The following CNTN5 variants were observed in gnomAD, a reference collection of about 807,000 sequenced individuals.
CNTN5 encodes contactin-5.
Under a neutral mutation model 129.1 loss-of-function variants are expected in CNTN5, and 77 were observed. The observed-to-expected ratio is 0.60, with a 90% confidence interval of 0.50 to 0.72. CNTN5 has a LOEUF of 0.72. Ranked by LOEUF, CNTN5 falls within the 30% of genes least tolerant of loss-of-function variation. CNTN5 has a pLI of 0.00. For missense variants in CNTN5, 1,478 were observed against 1,328.8 expected, an observed-to-expected ratio of 1.11 and a Z score of -1.75; for synonymous variants, 509 against 465.6, an observed-to-expected ratio of 1.09 and a Z score of -1.20.
rs1944329000 is a variant in CNTN5 at position 99,754,010 on chromosome 11, CAACAAAAA to C, written c.56-65521_56-65514del. Among the ~76,000 whole-genome samples the C allele has an allele frequency of 3.3e-5, 5 of 150,414 alleles. 1 individual carries two copies. The highest frequency in any genetic ancestry group is 2.0e-4 in the East Asian group (1 of 5,110). On this transcript the variant is annotated intron_variant, in intron 3 of 24. Transcript: ENST00000524871. ...GCCAAAAAAAAAAAATAAATAACAA[CAACAAAAA>C]AACAAAAAAACACCTTCTGATACAA...
chr11:99,476,190 C>T (rs2656159), intron 2 of CNTN5, among the ~76,000 whole-genome samples: 71,216 of 151,740 alleles, frequency 0.47, 17,364 homozygotes, highest in Middle Eastern at 0.59. Context: ...TTAAATATTG[C>T]TATGACATTA....
At chr11:100,278,545 T>G (rs1950566490) in intron 18 of CNTN5, among the ~76,000 whole-genome samples, 1 of 151,968 alleles carries the variant, frequency 6.6e-6, no homozygotes, top group Admixed American at 6.6e-5. Flanking sequence ...AATTCCTAAG[T>G]GTTGTATTTT....
At chr11:99,783,659 T>C (rs1269299604) in intron 3 of CNTN5, among the ~76,000 whole-genome samples, 1 of 140,280 alleles carries the variant, frequency 7.1e-6, no homozygotes, top group African/African-American at 2.7e-5. Flanking sequence ...GATGAGTTCA[T>C]GTCCTTTGTA....
intron 3 of CNTN5, among the ~76,000 whole-genome samples, chr11:99,768,185 G>A (rs182263897): frequency 6.6e-6 from 1 of 151,964 alleles, no homozygotes; most frequent in Admixed American, 6.6e-5. Context: ...TTAAAATTTT[G>A]CTACATCTGT....
chr11:99,888,814 C>T (rs542448767), intron 6 of CNTN5, among the ~76,000 whole-genome samples: 1 of 152,310 alleles, frequency 6.6e-6, no homozygotes, highest in Admixed American at 6.5e-5. Context: ...AGCTTACATA[C>T]TCTAGTGTAA....
intron 1 of CNTN5, among the ~76,000 whole-genome samples, chr11:99,155,201 T>A (rs1336482452): frequency 6.6e-6 from 1 of 152,180 alleles, no homozygotes; most frequent in Non-Finnish European, 1.5e-5. Context: ...TATTTCCCCC[T>A]TCCGCCCAGC....
intron 2 of CNTN5, among the ~76,000 whole-genome samples, chr11:99,369,556 G>C (rs964023263): frequency 6.6e-6 from 1 of 151,610 alleles, no homozygotes; most frequent in African/African-American, 2.4e-5. Context: ...ATATGTATTT[G>C]CCTAATATAT....
intron 1 of CNTN5, among the ~76,000 whole-genome samples, chr11:99,152,854 T>G (rs11218564): frequency 0.17 from 26,034 of 152,220 alleles, 3,374 homozygotes; most frequent in East Asian, 0.68. Flanking sequence ...ATGAATTCCT[T>G]TAGCATTTCC....
intron 13 of CNTN5, among the ~76,000 whole-genome samples, chr11:100,149,846 C>T (rs948042579): frequency 1.4e-5 from 2 of 141,758 alleles, no homozygotes; most frequent in Non-Finnish European, 3.0e-5. Context: ...GTGAGCCGAG[C>T]TTGTGCCACT....
chr11:99,953,080 A>G (rs968316957), intron 7 of CNTN5, among the ~76,000 whole-genome samples: 2 of 152,218 alleles, frequency 1.3e-5, no homozygotes, highest in Non-Finnish European at 2.9e-5. Flanking sequence ...AGAATGTTGA[A>G]TCACTGTGAT....
chr11:100,095,780 A>C (rs1183027274), intron 13 of CNTN5, among the ~76,000 whole-genome samples: 1 of 151,978 alleles, frequency 6.6e-6, no homozygotes, highest in Non-Finnish European at 1.5e-5. Flanking sequence ...AAAACAATTA[A>C]AGAAAATACT....
chr11:99,346,711 TG>T lies in CNTN5; in HGVS notation c.-71+21230del, dbSNP rs572309347. ...GTATTATATTTAGAGATGTGACCTC[TG>T]GGAGGTAAGGTAGGTTAGAATAGGT... On this transcript the variant is annotated intron_variant, in intron 2 of 24. Coordinates refer to ENST00000524871, the MANE Select transcript of CNTN5 (RefSeq NM_014361.4). Among the ~76,000 whole-genome samples, 22 of 152,312 alleles carry T rather than the reference TG, an allele frequency of 1.4e-4. 1 individual carries two copies. In the South Asian group the frequency reaches 4.6e-3, roughly 32 times the overall value.
chr11:99,257,244 T>C (rs1862415592), intron 1 of CNTN5, among the ~76,000 whole-genome samples: 1 of 152,134 alleles, frequency 6.6e-6, no homozygotes, highest in Admixed American at 6.6e-5. Flanking sequence ...CTGGAAAAGG[T>C]GCCATGTGAA....
intron 7 of CNTN5, among the ~76,000 whole-genome samples, chr11:99,944,189 A>G (rs2136122917): frequency 6.6e-6 from 1 of 152,130 alleles, no homozygotes; most frequent in Non-Finnish European, 1.5e-5. Flanking sequence ...GTTAAGAGGG[A>G]AATTTATAGC....
chr11:99,904,856 T>C (rs1380776874), intron 6 of CNTN5, among the ~76,000 whole-genome samples: 1 of 152,210 alleles, frequency 6.6e-6, no homozygotes, highest in Non-Finnish European at 1.5e-5. Flanking sequence ...AGATGGTATC[T>C]CTTTGTGGTT....
chr11:99,343,166 C>T (rs902944743), intron 2 of CNTN5, among the ~76,000 whole-genome samples: 1 of 151,988 alleles, frequency 6.6e-6, no homozygotes, highest in Admixed American at 6.6e-5. Context: ...GGAGGGATGA[C>T]GAATCTTTAT....
intron 1 of CNTN5, among the ~76,000 whole-genome samples, chr11:99,182,789 A>G (rs886158111): frequency 5.4e-4 from 82 of 152,336 alleles, no homozygotes; most frequent in African/African-American, 1.7e-3. Flanking sequence ...ATAAAAATCT[A>G]TTACAGCATA....
In CNTN5 at chr11:99,594,570, G is replaced by A. The variant is rs146080086; in HGVS notation, c.55+38301G>A. Among the ~76,000 whole-genome samples the A allele has an allele frequency of 8.5e-4, 130 of 152,284 alleles. 1 individual carries two copies. The East Asian group carries it at 0.022, about 26-fold the overall frequency. On this transcript the variant is annotated intron_variant, in intron 3 of 24. Transcript: ENST00000524871. ...TCCACCCAGCACATAATAGGATACA[G>A]TGGGATTTGTGGTTCACTTTGGCCG...
At chr11:100,240,501 CAGT>C (rs1591427828) in intron 16 of CNTN5, among the ~76,000 whole-genome samples, 2 of 152,194 alleles carry the variant, frequency 1.3e-5, no homozygotes, top group East Asian at 3.9e-4. Context: ...CACTATATAT[CAGT>C]CATTGCCTAA....
Sources: allele counts gnomAD v4.1 joint callset (sites outside exome capture counted in the v4.1 genomes callset), GRCh38; gene constraint gnomAD v4.1.1; transcripts MANE v1.5; gene names NCBI Gene and HGNC (gene_info 2026-07-23, HGNC 2026-07-21).